Variants in MAGI2 observed in about 807,000 individuals in gnomAD.
MAGI2 encodes the protein membrane-associated guanylate kinase, WW and PDZ domain-containing protein 2.
MAGI2 carries 35 observed loss-of-function variants against 133.3 expected under a neutral mutation model. The ratio of observed to expected loss-of-function variants is 0.26; its 90% CI spans 0.20 to 0.35. MAGI2 has a LOEUF of 0.35. Among genes scored for constraint, MAGI2 ranks in the 10% least tolerant of loss-of-function variants. The probability of loss-of-function intolerance (pLI) is 1.00; values close to 1 mark genes in which losing one functional copy is unlikely to be tolerated. For missense variants in MAGI2, 1,636 were observed against 1,863.4 expected, an observed-to-expected ratio of 0.88 and a Z score of 2.25; for synonymous variants, 729 against 710.6, an observed-to-expected ratio of 1.03 and a Z score of -0.41.
chr7:79,227,776 G>T (rs1055993884), intron 1 of MAGI2, among the ~76,000 whole-genome samples: 1 of 152,138 alleles, frequency 6.6e-6, no homozygotes, highest in Non-Finnish European at 1.5e-5. Flanking sequence ...AAGTTGAATT[G>T]TTAACTGGTT....
intron 21 of MAGI2, among the ~76,000 whole-genome samples, chr7:78,077,725 G>GTTTTTTA (rs1815492125): frequency 9.9e-6 from 1 of 101,254 alleles, no homozygotes; most frequent in Admixed American, 1.2e-4. Context: ...TCTTTAGAAT[G>GTTTTTTA]TTTTTTTTTT....
chr7:79,135,677 ATG>A (rs1821330243), intron 1 of MAGI2, among the ~76,000 whole-genome samples: 1 of 152,010 alleles, frequency 6.6e-6, no homozygotes. Flanking sequence ...TGGCCGACAG[ATG>A]TAATCTCAGC....
chr7:78,564,180 T>C (rs1208915263), intron 3 of MAGI2, among the ~76,000 whole-genome samples: 2 of 152,156 alleles, frequency 1.3e-5, no homozygotes, highest in Non-Finnish European at 2.9e-5. Flanking sequence ...CACAACTGCC[T>C]CATAATCTGA....
rs968533764 is a variant in MAGI2, at chr7:78,656,525, G to T, written c.419-29286C>A. 2.0e-5 allele frequency among the ~76,000 whole-genome samples: 3 copies of T among 152,150 alleles called. No individual in the cohort carries two copies. The East Asian group carries it at 5.8e-4, about 29-fold the overall frequency. ...TAGAACAGTGGTTCTACTCTACCAGGGGCAGGGTACTGGGGGAAATGGGGA... is the reference window on the plus strand; with the variant it reads ...TAGAACAGTGGTTCTACTCTACCAGTGGCAGGGTACTGGGGGAAATGGGGA... On this transcript the variant is annotated intron_variant, in intron 2 of 21. Coordinates refer to ENST00000354212, the MANE Select transcript of MAGI2 (RefSeq NM_012301.4).
chr7:78,282,306 G>A (rs1409447848), intron 9 of MAGI2, among the ~76,000 whole-genome samples: 2 of 152,104 alleles, frequency 1.3e-5, no homozygotes, highest in Non-Finnish European at 2.9e-5. Context: ...GGCCATTGAA[G>A]TGATACTGTT....
intron 1 of MAGI2, among the ~76,000 whole-genome samples, chr7:79,358,810 T>C (rs1412845731): frequency 6.6e-6 from 1 of 152,138 alleles, no homozygotes; most frequent in Admixed American, 6.6e-5. Context: ...TAGACCATAA[T>C]AATACCACAA....
At chr7:78,235,833 G>A (rs141909965) in intron 10 of MAGI2, among the ~76,000 whole-genome samples, 372 of 152,166 alleles carry the variant, frequency 2.4e-3, no homozygotes, top group African/African-American at 8.8e-3. Context: ...CAGAAACATT[G>A]AGAACCCTGG....
chr7:78,268,160 C>G (rs12538665), intron 9 of MAGI2, among the ~76,000 whole-genome samples: 1 of 151,548 alleles, frequency 6.6e-6, no homozygotes, highest in Non-Finnish European at 1.5e-5. Context: ...GCTTTTTAAA[C>G]TAAATCTAGT....
intron 2 of MAGI2, among the ~76,000 whole-genome samples, chr7:78,657,148 A>G (rs965278779): frequency 4.6e-5 from 7 of 152,226 alleles, no homozygotes; most frequent in Admixed American, 2.0e-4. Flanking sequence ...CATGTCTATT[A>G]GAATGGCCAA....
intron 1 of MAGI2, among the ~76,000 whole-genome samples, chr7:79,329,051 A>C (rs182261960): frequency 2.6e-5 from 4 of 152,344 alleles, no homozygotes; most frequent in Admixed American, 2.6e-4. Context: ...AGAGTCCTAA[A>C]GATGATTCTG....
At chr7:78,210,596 T>C (rs572501996) in intron 10 of MAGI2, among the ~76,000 whole-genome samples, 1 of 152,116 alleles carries the variant, frequency 6.6e-6, no homozygotes, top group African/African-American at 2.4e-5. Flanking sequence ...AAAATGAGTT[T>C]GAGTTTAGGT....
chr7:78,199,931 G>C (rs138755942), intron 11 of MAGI2, among the ~76,000 whole-genome samples: 1 of 152,322 alleles, frequency 6.6e-6, no homozygotes, highest in Non-Finnish European at 1.5e-5. Flanking sequence ...AGGTCGCAAG[G>C]TTCCTTGTTG....
chr7:79,234,736 T>G (rs1222527368), intron 1 of MAGI2, among the ~76,000 whole-genome samples: 1 of 150,696 alleles, frequency 6.6e-6, no homozygotes, highest in Admixed American at 6.6e-5. Context: ...GCCTTTGGTT[T>G]GAATGTCCTC....
At chr7:79,341,623 T>A (rs1840912554) in intron 1 of MAGI2, among the ~76,000 whole-genome samples, 1 of 152,166 alleles carries the variant, frequency 6.6e-6, no homozygotes, top group Admixed American at 6.6e-5. Flanking sequence ...ATATCAACAC[T>A]CCTATTTAAG....
At chr7:79,362,115 A>T (rs528634480) in intron 1 of MAGI2, among the ~76,000 whole-genome samples, 31 of 150,908 alleles carry the variant, frequency 2.1e-4, no homozygotes, top group African/African-American at 7.5e-4. Context: ...TGAAAAATCA[A>T]TAAAACACAT....
intron 16 of MAGI2, among the ~76,000 whole-genome samples, chr7:78,145,286 T>G (rs192641386): frequency 6.6e-6 from 1 of 152,302 alleles, no homozygotes; most frequent in Non-Finnish European, 1.5e-5. Context: ...TGTGATATAC[T>G]TATATTACCT....
intron 3 of MAGI2, among the ~76,000 whole-genome samples, chr7:78,605,236 G>A (rs1407647924): frequency 6.6e-6 from 1 of 152,206 alleles, no homozygotes; most frequent in Non-Finnish European, 1.5e-5. Flanking sequence ...AGAAATGGAA[G>A]AATTCAAATG....
intron 15 of MAGI2, among the ~76,000 whole-genome samples, chr7:78,160,977 A>G (rs1192666148): frequency 6.6e-6 from 1 of 152,244 alleles, no homozygotes; most frequent in African/African-American, 2.4e-5. Flanking sequence ...TATATCAGCC[A>G]TATCACAATG....
intron 1 of MAGI2, among the ~76,000 whole-genome samples, chr7:79,032,056 G>T (rs1163554295): frequency 6.6e-6 from 1 of 152,038 alleles, no homozygotes. Context: ...GCCCTCAGTT[G>T]AGCTATATTT....
Sources: allele counts gnomAD v4.1 joint callset (sites outside exome capture counted in the v4.1 genomes callset), GRCh38; gene constraint gnomAD v4.1.1; transcripts MANE v1.5; gene names NCBI Gene and HGNC (gene_info 2026-07-23, HGNC 2026-07-21).